PTPRD: variants seen among roughly 807,000 people sequenced by gnomAD.
The protein encoded by PTPRD is receptor-type tyrosine-protein phosphatase delta.
In PTPRD, 34 loss-of-function variants were observed where a neutral mutation model predicts 214.5. The ratio of observed to expected loss-of-function variants is 0.16; its 90% CI spans 0.12 to 0.21. The LOEUF (loss-of-function observed/expected upper bound fraction) is 0.21. Ranked by LOEUF, PTPRD falls within the 10% of genes least tolerant of loss-of-function variation. The pLI is 1.00. For synonymous variants in PTPRD, 1,128 were observed against 845.7 expected (o/e 1.33, Z -5.79); for missense variants, 2,545 against 2,398.7 (o/e 1.06, Z -1.27).
chr9:10,282,821 G>A (rs953494683), intron 3 of PTPRD, among the ~76,000 whole-genome samples: 7 of 152,052 alleles, frequency 4.6e-5, no homozygotes, highest in Admixed American at 4.6e-4. Context: ...ATCAGAAGTA[G>A]CAAGAATCCC....
chr9:10,167,755 G>C (rs1330379377), intron 3 of PTPRD, among the ~76,000 whole-genome samples: 1 of 151,896 alleles, frequency 6.6e-6, no homozygotes, highest in African/African-American at 2.4e-5. Flanking sequence ...AGCTGTAAGA[G>C]TTGATACTGT....
intron 4 of PTPRD, among the ~76,000 whole-genome samples, chr9:9,979,403 T>C (rs2154063248): frequency 6.6e-6 from 1 of 152,074 alleles, no homozygotes; most frequent in Non-Finnish European, 1.5e-5. Context: ...TCTGGAAAAA[T>C]ATACAAAAAT....
At chr9:10,113,015 T>G (rs1346689999) in intron 3 of PTPRD, among the ~76,000 whole-genome samples, 1 of 152,224 alleles carries the variant, frequency 6.6e-6, no homozygotes, top group Non-Finnish European at 1.5e-5. Flanking sequence ...GGCTTGACTC[T>G]GCCAACGCCA....
chr9:9,476,854 G>C (rs2095081803), intron 8 of PTPRD, among the ~76,000 whole-genome samples: 1 of 152,070 alleles, frequency 6.6e-6, no homozygotes, highest in African/African-American at 2.4e-5. Flanking sequence ...TCCTGCCTCA[G>C]ACTCCCGAGT....
chr9:8,780,445 G>C (rs2095650195), intron 11 of PTPRD, among the ~76,000 whole-genome samples: 1 of 152,164 alleles, frequency 6.6e-6, no homozygotes, highest in African/African-American at 2.4e-5. Context: ...ATTTAATCAG[G>C]AGCCTCCTGA....
intron 7 of PTPRD, among the ~76,000 whole-genome samples, chr9:9,605,422 G>A (rs1052367482): frequency 2.0e-5 from 3 of 151,986 alleles, no homozygotes; most frequent in African/African-American, 7.2e-5. Context: ...ATGCAAAGAA[G>A]TGGAACACCT....
At chr9:9,286,715 T>C (rs952398470) in intron 9 of PTPRD, among the ~76,000 whole-genome samples, 1 of 150,682 alleles carries the variant, frequency 6.6e-6, no homozygotes, top group African/African-American at 2.4e-5. Flanking sequence ...TTCACTGTAG[T>C]TGTCATTTTG....
intron 5 of PTPRD, among the ~76,000 whole-genome samples, chr9:9,824,589 C>T (rs1382992554): frequency 1.3e-5 from 2 of 151,908 alleles, no homozygotes; most frequent in Non-Finnish European, 1.5e-5. Context: ...GGTTAGATCA[C>T]TTTGTGAGTA....
intron 7 of PTPRD, among the ~76,000 whole-genome samples, chr9:9,611,075 T>C (rs2094487780): frequency 1.3e-5 from 2 of 152,192 alleles, no homozygotes; most frequent in South Asian, 4.1e-4. Context: ...ATTGTAAACA[T>C]CGTCCTCTAT....
chr9:10,604,359 ATGAATGTGTCTTAG>A (rs1340415163), intron 2 of PTPRD, among the ~76,000 whole-genome samples: 2 of 151,878 alleles, frequency 1.3e-5, no homozygotes, highest in Non-Finnish European at 2.9e-5. Context: ...AAAAGCCAGT[ATGAATGTGTCTTAG>A]TGAATGTGTA....
At chr9:9,764,652 A>C (rs985644721) in intron 6 of PTPRD, among the ~76,000 whole-genome samples, 2 of 152,212 alleles carry the variant, frequency 1.3e-5, no homozygotes, top group South Asian at 2.1e-4. Context: ...AGATATAAGA[A>C]ACACTTTAGG....
rs1423192604 is a variant in PTPRD at position 10,408,737 on chromosome 9, T to C, written c.-599-67720A>G. 2.0e-5 allele frequency among the ~76,000 whole-genome samples: 3 copies of C among 151,720 alleles called. No individual in the cohort carries two copies. The East Asian group carries it at 5.9e-4, about 30-fold the overall frequency. On this transcript the variant is annotated intron_variant, in intron 2 of 45. Coordinates refer to ENST00000381196, the MANE Select transcript of PTPRD (RefSeq NM_002839.4). ...TAACAACTTGGGTTTAATCCTTGAC[T>C]CCCTCACTTGGGCAGTGTGTTTAGT...
At chr9:9,653,255 T>G (rs1346222221) in intron 7 of PTPRD, among the ~76,000 whole-genome samples, 2 of 140,696 alleles carry the variant, frequency 1.4e-5, no homozygotes, top group African/African-American at 2.7e-5. Context: ...GGCAGGAGAA[T>G]GGCGTGAACC....
chr9:9,956,364 G>T (rs536637252), intron 4 of PTPRD, among the ~76,000 whole-genome samples: 1 of 151,562 alleles, frequency 6.6e-6, no homozygotes, highest in Admixed American at 6.6e-5. Flanking sequence ...CTGAGAGTCA[G>T]ATGATCAGAA....
At chr9:8,966,916 AC>A (rs2099199201) in intron 11 of PTPRD, among the ~76,000 whole-genome samples, 1 of 144,992 alleles carries the variant, frequency 6.9e-6, no homozygotes, top group African/African-American at 2.8e-5. Flanking sequence ...ACAAGCAAAA[AC>A]AAACAAACAA....
At chr9:10,387,599 T>C (rs1054390276) in intron 2 of PTPRD, among the ~76,000 whole-genome samples, 1 of 151,686 alleles carries the variant, frequency 6.6e-6, no homozygotes, top group African/African-American at 2.4e-5. Context: ...TGCTCAACTT[T>C]GAATAATACA....
chr9:8,737,670 A>G (rs1360444963), intron 11 of PTPRD, among the ~76,000 whole-genome samples: 2 of 152,148 alleles, frequency 1.3e-5, no homozygotes, highest in South Asian at 4.1e-4. Flanking sequence ...CTTTCTTGAG[A>G]CAGAGTCTCA....
chr9:10,102,953 C>T (rs1050769785), intron 3 of PTPRD, among the ~76,000 whole-genome samples: 24 of 151,588 alleles, frequency 1.6e-4, no homozygotes, highest in African/African-American at 5.3e-4. Context: ...TTCATTCATT[C>T]CTTCAATATC....
chr9:9,303,811 G>A (rs1956254831), intron 9 of PTPRD, among the ~76,000 whole-genome samples: 1 of 152,038 alleles, frequency 6.6e-6, no homozygotes. Flanking sequence ...TTACAATAAG[G>A]CAAACAAACA....
Sources: gnomAD v4.1 joint callset for allele counts (sites outside exome capture counted in the v4.1 genomes callset) on GRCh38, gnomAD v4.1.1 for gene constraint, MANE v1.5 for transcripts, NCBI Gene and HGNC (gene_info 2026-07-23, HGNC 2026-07-21) for gene names.